CENPH: variants seen among roughly 807,000 people sequenced by gnomAD.
CENPH encodes CENP-H.
A neutral mutation model predicts 42.9 loss-of-function variants in CENPH; 40 were observed. The ratio of observed to expected loss-of-function variants is 0.93; its 90% CI spans 0.72 to 1.21. The LOEUF is 1.21. CENPH is among the 50% of genes most tolerant of loss of function. CENPH has a pLI of 0.00. For missense variants in CENPH, 302 were observed against 292.9 expected (o/e 1.03, Z -0.23); for synonymous variants, 88 against 96.5 (o/e 0.91, Z 0.52).
intron 7 of CENPH, among the ~76,000 whole-genome samples, chr5:69,206,144 C>T (rs992503256): frequency 3.3e-5 from 5 of 151,488 alleles, no homozygotes; most frequent in Admixed American, 6.6e-5. Flanking sequence ...AGATTACAGA[C>T]GGGATCCTGT....
In CENPH at chr5:69,208,324, A is replaced by G; in HGVS notation, c.616A>G (p.Ile206Val). 1 of 1,600,402 alleles carries G rather than the reference A, an allele frequency of 6.2e-7. No homozygotes were observed. The highest frequency in any genetic ancestry group is 8.6e-7 in the Non-Finnish European group (1 of 1,168,946). Residue 206 changes from isoleucine (I) to valine (V), a missense_variant, in exon 8 of 9, where the codon ATA becomes GTA. Coordinates refer to ENST00000283006, the MANE Select transcript of CENPH (RefSeq NM_022909.4). Reference protein sequence around the residue: ...KIIRQNLQMEIKITTVIQHVF... With the variant: ...KIIRQNLQMEVKITTVIQHVF... Reference sequence around the variant, plus strand: ...CATACGACAAAACCTACAGATGGAGATAAAAATTACTACTGTTATTCAACA... The same window carrying G: ...CATACGACAAAACCTACAGATGGAGGTAAAAATTACTACTGTTATTCAACA...
chr5:69,195,848 G>A lies in CENPH; in HGVS notation c.314+57G>A, dbSNP rs539822205. 1.1e-3 allele frequency: 925 copies of A among 826,854 alleles called. 14 individuals carry two copies. The South Asian group carries it at 0.013, about 12-fold the overall frequency. 51.2% of individuals were successfully genotyped at this position (826,854 alleles called of 1,614,324 possible). ...GAACTGACTGCAAAATGGGTATGAG[G>A]GGAAAGTGGAGGGAATCTTTTAACT... On this transcript the variant is annotated intron_variant, in intron 4 of 8. Coordinates refer to ENST00000283006, the MANE Select transcript of CENPH (RefSeq NM_022909.4).
intron 2 of CENPH, among the ~76,000 whole-genome samples, chr5:69,194,262 G>A (rs1344952068): frequency 2.0e-5 from 3 of 151,936 alleles, no homozygotes; most frequent in Non-Finnish European, 2.9e-5. Context: ...GGGCTCAAGC[G>A]ATCCTCCCAC....
chr5:69,197,996 C>G (rs1159377443), intron 5 of CENPH, among the ~76,000 whole-genome samples: 1 of 145,668 alleles, frequency 6.9e-6, no homozygotes, highest in Non-Finnish European at 1.5e-5. Context: ...TCTCGGCTCA[C>G]TGCAACCTCT....
At chr5:69,195,894 GCAC>G in intron 4 of CENPH, 103 bp downstream of exon 4, 2 of 653,204 alleles carry the variant, frequency 3.1e-6, no homozygotes, top group Non-Finnish European at 5.5e-6. Context: ...AATTAGTCAA[GCAC>G]AGTGATGATT....
chr5:69,207,658 C>CA (rs1748181161), intron 7 of CENPH: 1 of 151,438 alleles, frequency 6.6e-6, no homozygotes, highest in Non-Finnish European at 1.5e-5. Context: ...AAAATGCAAA[C>CA]ATTAGCCAGG....
intron 5 of CENPH, 156 bp downstream of exon 5, chr5:69,197,265 C>T (rs1747979002): frequency 4.4e-6 from 2 of 450,428 alleles, no homozygotes; most frequent in African/African-American, 2.0e-5. Context: ...ATTACAGCAA[C>T]TTTTATAGTT....
intron 2 of CENPH, among the ~76,000 whole-genome samples, chr5:69,193,053 C>T (rs1302744136): frequency 1.3e-5 from 2 of 151,990 alleles, no homozygotes; most frequent in East Asian, 1.9e-4. Context: ...CGCGAGATCA[C>T]GCCATTGCAC....
intron 7 of CENPH, among the ~76,000 whole-genome samples, chr5:69,205,303 C>T (rs1481438201): frequency 6.6e-6 from 1 of 152,012 alleles, no homozygotes; most frequent in South Asian, 2.1e-4. Flanking sequence ...TCTTGGCTCT[C>T]TGCAACCTCT....
chr5:69,198,967 C>T (rs1230211371), intron 5 of CENPH, among the ~76,000 whole-genome samples: 2 of 151,572 alleles, frequency 1.3e-5, no homozygotes, highest in Non-Finnish European at 2.9e-5. Flanking sequence ...AAAAGACATT[C>T]TTGAGTTAAA....
Position 69,191,978 on chromosome 5 carries a change from T to G in CENPH, c.190+128T>G, listed in dbSNP as rs1462759041. On this transcript the variant is annotated intron_variant, in intron 2 of 8. Coordinates refer to ENST00000283006, the MANE Select transcript of CENPH (RefSeq NM_022909.4). ...CTGGTTTACTGCAGCCTCAGCCTCCTGGGCTCCAGCAATCCTCCCACCTCA... is the reference window on the plus strand; with the variant it reads ...CTGGTTTACTGCAGCCTCAGCCTCCGGGGCTCCAGCAATCCTCCCACCTCA... 9 of 539,418 alleles carry G rather than the reference T, an allele frequency of 1.7e-5. No homozygotes were observed. In the Admixed American group the frequency reaches 2.1e-4, roughly 13 times the overall value. The allele number at this position is 539,418 out of a possible 1,614,324, so 33.4% of individuals were successfully genotyped here.
Position 69,208,270 on chromosome 5 carries a change from A to G in CENPH, c.562A>G (p.Ser188Gly), listed in dbSNP as rs114301971. ...EKNKQKIDLD[S>G]MENSERIKII... is the part of the protein sequence containing the mutation. Reference sequence around the variant, plus strand: ...GAACAAACAGAAGATTGATTTGGACAGTATGGAAAACTCAGAGAGGATAAA... The same window carrying G: ...GAACAAACAGAAGATTGATTTGGACGGTATGGAAAACTCAGAGAGGATAAA... The change falls in exon 8 of 9, where the codon AGT (serine) becomes GGT (glycine). Residue 188 changes from serine (S) to glycine (G), a missense_variant. By Grantham distance (56) the Ser-to-Gly change is moderately conservative (BLOSUM62 0). Coordinates refer to ENST00000283006, the MANE Select transcript of CENPH (RefSeq NM_022909.4). 127 of 1,594,066 alleles carry G rather than the reference A, an allele frequency of 8.0e-5. No homozygotes were observed. In the East Asian group the frequency reaches 2.3e-3, roughly 29 times the overall value.
intron 4 of CENPH, among the ~76,000 whole-genome samples, chr5:69,196,370 C>T (rs551761332): frequency 2.6e-5 from 4 of 152,246 alleles, no homozygotes; most frequent in East Asian, 3.9e-4. Context: ...CCTGGCTGGG[C>T]GCGGTGGCTC....
Position 69,208,215 on chromosome 5 carries a change from A to G in CENPH, c.507A>G (p.Glu169=), listed in dbSNP as rs747003118. 6.4e-6 allele frequency: 10 copies of G among 1,565,250 alleles called. No individual in the cohort carries two copies. The South Asian group carries it at 1.1e-4, about 18-fold the overall frequency. ...KKRLQLKQAS[E]SKLLEIQTEK... ...TAACAGAATTAAAACAAGCTTCAGA[A>G]AGTAAGCTTTTAGAAATACAGACTG... Residue 169 remains glutamate, a synonymous_variant, in exon 8 of 9, where the codon GAA becomes GAG. Transcript: ENST00000283006.
chr5:69,203,888 G>A (rs1748098413), intron 7 of CENPH, among the ~76,000 whole-genome samples: 1 of 149,928 alleles, frequency 6.7e-6, no homozygotes. Context: ...TAATGCAAAA[G>A]TCATGCCTCT....
intron 5 of CENPH, among the ~76,000 whole-genome samples, chr5:69,197,911 ATCTTTTTTTTTTTTTTTT>A (rs891254850): frequency 1.8e-5 from 2 of 111,598 alleles, no homozygotes; most frequent in African/African-American, 6.9e-5. Context: ...CTTACCTATG[ATCTTTTTTTTTTTTTTTT>A]TTTTTTTTTT....
intron 5 of CENPH, among the ~76,000 whole-genome samples, chr5:69,199,172 G>A (rs760941859): frequency 3.3e-5 from 5 of 151,960 alleles, no homozygotes; most frequent in African/African-American, 1.2e-4. Context: ...AATTAAGGAG[G>A]TGTTTTGTTT....
chr5:69,206,791 G>C lies in CENPH; in HGVS notation c.488-1405G>C, dbSNP rs1748167244. On this transcript the variant is annotated intron_variant, in intron 7 of 8. Coordinates refer to ENST00000283006, the MANE Select transcript of CENPH (RefSeq NM_022909.4). ...TAACAGGCATGAGTCACTGCACCCT[G>C]CTCAGATTTGTCATTTGTAAACATT... Among the ~76,000 whole-genome samples the C allele has an allele frequency of 2.0e-5, 3 of 152,262 alleles. No individual in the cohort carries two copies. The South Asian group carries it at 6.2e-4, about 32-fold the overall frequency.
chr5:69,194,545 A>G, intron 2 of CENPH, 102 bp from the exon 3 acceptor site: 1 of 620,434 alleles, frequency 1.6e-6, no homozygotes, highest in Non-Finnish European at 2.9e-6. Flanking sequence ...TGTGAAAACG[A>G]CATTTTAAAT....
Sources: allele counts gnomAD v4.1 joint callset (sites outside exome capture counted in the v4.1 genomes callset), GRCh38; gene constraint gnomAD v4.1.1; transcripts MANE v1.5; gene names NCBI Gene and HGNC (gene_info 2026-07-23, HGNC 2026-07-21).